The following ITPRID1 variants were observed in gnomAD, a reference collection of about 807,000 sequenced individuals.
ITPRID1 encodes ITPR interacting domain containing 1.
ITPRID1 carries 96 observed loss-of-function variants against 95.4 expected under a neutral mutation model. The ratio of observed to expected loss-of-function variants is 1.01; its 90% CI spans 0.85 to 1.19. The LOEUF is 1.19. ITPRID1 is among the 50% of genes most tolerant of loss of function. ITPRID1 has a pLI of 0.00. For missense variants in ITPRID1, 1,339 were observed against 1,252.9 expected (o/e 1.07, Z -1.04); for synonymous variants, 510 against 453.6 (o/e 1.12, Z -1.58).
chr7:31,649,477 T>C (rs574274386), intron 12 of ITPRID1, among the ~76,000 whole-genome samples: 1 of 152,208 alleles, frequency 6.6e-6, no homozygotes, highest in Non-Finnish European at 1.5e-5. Context: ...CACTGGCCAT[T>C]GTCTCTACAA....
At chr7:31,588,390 G>A (rs1785713507) in intron 10 of ITPRID1, among the ~76,000 whole-genome samples, 1 of 152,004 alleles carries the variant, frequency 6.6e-6, no homozygotes, top group South Asian at 2.1e-4. Context: ...CAACACTTTG[G>A]GAGGCTGAGG....
chr7:31,549,987 C>T (rs932830156), intron 2 of ITPRID1, among the ~76,000 whole-genome samples: 6 of 152,040 alleles, frequency 3.9e-5, no homozygotes, highest in Non-Finnish European at 8.8e-5. Context: ...TAAAGCTTCA[C>T]AGTGAAAAGG....
intron 12 of ITPRID1, among the ~76,000 whole-genome samples, chr7:31,649,776 T>C (rs943094676): frequency 6.6e-6 from 1 of 152,122 alleles, no homozygotes; most frequent in Non-Finnish European, 1.5e-5. Flanking sequence ...TGGTAAGAAC[T>C]CAGCAAGTCA....
At chr7:31,657,501 T>C (rs1562670368), downstream of ITPRID1, among the ~76,000 whole-genome samples, 2 of 152,220 alleles carry the variant, frequency 1.3e-5, no homozygotes, top group Non-Finnish European at 2.9e-5. Context: ...TGAGTCGCTT[T>C]CATACAAGGA....
At chr7:31,574,156 C>T (rs968133803) in intron 7 of ITPRID1, among the ~76,000 whole-genome samples, 26 of 136,354 alleles carry the variant, frequency 1.9e-4, no homozygotes, top group African/African-American at 6.9e-4. Flanking sequence ...CTACTGTTTA[C>T]AGTTTTGTGG....
At chr7:31,630,949 C>T (rs1788938034) in intron 10 of ITPRID1, among the ~76,000 whole-genome samples, 1 of 151,976 alleles carries the variant, frequency 6.6e-6, no homozygotes, top group Non-Finnish European at 1.5e-5. Flanking sequence ...GAGGTAGAAA[C>T]AGTCTTTTTA....
chr7:31,605,129 C>A (rs1009442295), intron 10 of ITPRID1, among the ~76,000 whole-genome samples: 6 of 87,290 alleles, frequency 6.9e-5, no homozygotes, highest in Non-Finnish European at 1.2e-4. Context: ...CAGAGGGAGA[C>A]CCCATCTCAA....
chr7:31,646,191 G>T (rs550346688), intron 12 of ITPRID1, among the ~76,000 whole-genome samples: 3 of 152,142 alleles, frequency 2.0e-5, no homozygotes, highest in Non-Finnish European at 4.4e-5. Flanking sequence ...CAAAACTCCA[G>T]GAGAAATGGT....
intron 10 of ITPRID1, among the ~76,000 whole-genome samples, chr7:31,630,785 G>A (rs1788921777): frequency 6.6e-6 from 1 of 152,010 alleles, no homozygotes; most frequent in African/African-American, 2.4e-5. Flanking sequence ...AAGAATCAAA[G>A]AGATGTTAAA....
intron 1 of ITPRID1, among the ~76,000 whole-genome samples, chr7:31,522,644 T>A (rs1255758425): frequency 6.6e-6 from 1 of 152,226 alleles, no homozygotes; most frequent in Non-Finnish European, 1.5e-5. Flanking sequence ...TTGCTTATGA[T>A]CTGATTTGAA....
chr7:31,566,637 A>C (rs1263427279), intron 5 of ITPRID1, among the ~76,000 whole-genome samples: 1 of 152,238 alleles, frequency 6.6e-6, no homozygotes, highest in African/African-American at 2.4e-5. Context: ...TTTATCTTCC[A>C]TTTAGGCAAC....
rs1790235942 is a variant in ITPRID1, at chr7:31,643,823, A to T, written c.2453A>T (p.Glu818Val). 6.2e-7 allele frequency: 1 copy of T among 1,613,928 alleles called. No individual in the cohort carries two copies. The highest frequency in any genetic ancestry group is 8.5e-7 in the Non-Finnish European group (1 of 1,179,892). Residue 818 changes from glutamate to valine, a missense_variant, in exon 12 of 15, where the codon GAG becomes GTG. Glu to Val is a moderately radical substitution (Grantham distance 121). Transcript: ENST00000615280. Reference protein sequence around the residue: ...CCHHHPHCHGERQSPGPEPSV... With the variant: ...CCHHHPHCHGVRQSPGPEPSV... ...CATCACCACCCTCACTGCCACGGGGAGAGGCAAAGCCCTGGCCCTGAACCC... is the reference window on the plus strand; with the variant it reads ...CATCACCACCCTCACTGCCACGGGGTGAGGCAAAGCCCTGGCCCTGAACCC...
intron 10 of ITPRID1, among the ~76,000 whole-genome samples, chr7:31,638,563 A>C (rs1026637926): frequency 6.6e-6 from 1 of 152,206 alleles, no homozygotes; most frequent in Admixed American, 6.5e-5. Context: ...GTAGATAATA[A>C]ATAAATAAAA....
At chr7:31,633,288 C>A (rs1284690258) in intron 10 of ITPRID1, among the ~76,000 whole-genome samples, 3 of 152,182 alleles carry the variant, frequency 2.0e-5, no homozygotes, top group African/African-American at 7.2e-5. Context: ...AGGAGCAGAG[C>A]TATGACCGAC....
intron 1 of ITPRID1, among the ~76,000 whole-genome samples, chr7:31,521,207 A>G (rs967056171): frequency 1.3e-5 from 2 of 152,060 alleles, no homozygotes; most frequent in African/African-American, 2.4e-5. Flanking sequence ...TATGCATTTA[A>G]TGCTATAACT....
chr7:31,624,131 C>G (rs200585188), intron 10 of ITPRID1, among the ~76,000 whole-genome samples: 76,887 of 147,572 alleles, frequency 0.52, 20,298 homozygotes, highest in East Asian at 0.82. Context: ...AGGATACAAA[C>G]AAATGGAAGA....
At chr7:31,639,753 G>A (rs956642202) in intron 10 of ITPRID1, among the ~76,000 whole-genome samples, 12 of 151,750 alleles carry the variant, frequency 7.9e-5, no homozygotes, top group Admixed American at 2.6e-4. Flanking sequence ...AGCCAGGCTC[G>A]TCTTGAACTC....
At chr7:31,596,121 T>G (rs1302460426) in intron 10 of ITPRID1, among the ~76,000 whole-genome samples, 2 of 151,308 alleles carry the variant, frequency 1.3e-5, no homozygotes, top group Non-Finnish European at 3.0e-5. Context: ...ATTACCAATA[T>G]TTTTATCATT....
intron 10 of ITPRID1, among the ~76,000 whole-genome samples, chr7:31,628,961 T>G (rs939617731): frequency 4.6e-5 from 7 of 152,154 alleles, no homozygotes; most frequent in Non-Finnish European, 1.0e-4. Context: ...AAAAAACATT[T>G]GGACTGGTTA....
Sources: gnomAD v4.1 joint callset for allele counts (sites outside exome capture counted in the v4.1 genomes callset) on GRCh38, gnomAD v4.1.1 for gene constraint, MANE v1.5 for transcripts, NCBI Gene and HGNC (gene_info 2026-07-23, HGNC 2026-07-21) for gene names.